ZNHIT6: variants seen among roughly 807,000 people sequenced by gnomAD.
ZNHIT6 encodes zinc finger HIT-type containing 6.
ZNHIT6 carries 45 observed loss-of-function variants against 57.2 expected under a neutral mutation model. The observed-to-expected ratio is 0.79, with a 90% CI of 0.62 to 1.01. ZNHIT6 has a LOEUF of 1.01. ZNHIT6 is among the 50% of genes least tolerant of loss of function. The pLI is 0.00. For missense variants in ZNHIT6, 528 were observed against 567.3 expected (o/e 0.93, Z 0.70); for synonymous variants, 188 against 190.0 (o/e 0.99, Z 0.09).
intron 5 of ZNHIT6, among the ~76,000 whole-genome samples, chr1:85,701,366 C>T (rs1467052215): frequency 6.6e-6 from 1 of 152,194 alleles, no homozygotes; most frequent in African/African-American, 2.4e-5. Context: ...AAGGGAGGGA[C>T]TCCCTCAAGT....
intron 8 of ZNHIT6, among the ~76,000 whole-genome samples, chr1:85,668,765 T>G (rs1466553350): frequency 6.6e-6 from 1 of 152,180 alleles, no homozygotes; most frequent in East Asian, 1.9e-4. Flanking sequence ...TTTAAGGAGG[T>G]AAAATGTGAT....
intron 5 of ZNHIT6, among the ~76,000 whole-genome samples, chr1:85,692,653 CT>C (rs1220549175): frequency 1.3e-5 from 2 of 151,484 alleles, no homozygotes; most frequent in Non-Finnish European, 2.9e-5. Flanking sequence ...TTCCTTTACT[CT>C]TTTCTAAAGC....
At chr1:85,678,625 A>G (rs964476166) in intron 7 of ZNHIT6, 76 bp downstream of exon 7, 1 of 958,922 alleles carries the variant, frequency 1.0e-6, no homozygotes, top group South Asian at 1.5e-5. Flanking sequence ...TCACATTCTA[A>G]TAGTCATGGA....
intron 8 of ZNHIT6, among the ~76,000 whole-genome samples, chr1:85,659,450 T>C (rs1203564197): frequency 6.6e-6 from 1 of 152,218 alleles, no homozygotes; most frequent in East Asian, 1.9e-4. Context: ...CAATGACAGG[T>C]GATATTCACA....
Position 85,649,744 on chromosome 1 carries a change from C to T in ZNHIT6, c.*4314G>A, listed in dbSNP as rs562188786. 1 of 152,188 alleles carries T rather than the reference C, an allele frequency of 6.6e-6. No homozygotes were observed. Among genetic ancestry groups the T allele is most frequent in the African/African-American group, 2.4e-5 (1 of 41,530 alleles). 9.4% of individuals were successfully genotyped at this position (152,188 alleles called of 1,614,324 possible). A position where few individuals can be genotyped will look rare whatever the true frequency, so the allele number is the denominator to read the frequency against. ...AGTACTCTAATTTCAAAATCAGTAT[C>T]TCTCAAATGCTGATGCCACTGGGAA... On this transcript the variant is annotated 3_prime_UTR_variant, in exon 10 of 10. Coordinates refer to ENST00000370574, the MANE Select transcript of ZNHIT6 (RefSeq NM_017953.4).
intron 5 of ZNHIT6, among the ~76,000 whole-genome samples, chr1:85,700,434 T>C (rs1186412327): frequency 6.6e-6 from 1 of 152,140 alleles, no homozygotes; most frequent in Non-Finnish European, 1.5e-5. Context: ...AAAAGACTTA[T>C]GCAAGAAGAA....
intron 5 of ZNHIT6, among the ~76,000 whole-genome samples, chr1:85,694,064 G>A (rs982458292): frequency 6.6e-6 from 1 of 152,166 alleles, no homozygotes; most frequent in Non-Finnish European, 1.5e-5. Flanking sequence ...GGGAAAAAAG[G>A]ACAGGCTGTC....
chr1:85,708,280 T>C lies in ZNHIT6; in HGVS notation c.5A>G (p.Glu2Gly), dbSNP rs763613272. 5 of 1,596,500 alleles carry C rather than the reference T, an allele frequency of 3.1e-6. No individual in the cohort carries two copies. The South Asian group carries it at 5.5e-5, about 18-fold the overall frequency. ...CTTCCCTTCATTTTCAGCAGCAAAC[T>C]CCATCAACTCACGATCCTTGGCCTC... The part of the protein sequence containing the change: M[E>G]FAAENEGKSG... Residue 2 changes from glutamate (E) to glycine (G), a missense_variant, in exon 1 of 10, where the codon GAG becomes GGG. Physicochemically the swap from Glu to Gly is moderately conservative, Grantham distance 98 (BLOSUM62 -2). Coordinates refer to ENST00000370574, the MANE Select transcript of ZNHIT6 (RefSeq NM_017953.4).
chr1:85,683,114 G>A (rs1661924888), intron 5 of ZNHIT6, among the ~76,000 whole-genome samples: 2 of 152,222 alleles, frequency 1.3e-5, no homozygotes, highest in South Asian at 2.1e-4. Flanking sequence ...CTACTCTGGA[G>A]GTTGAAGTGG....
chr1:85,654,238 A>C (rs965390338), intron 9 of ZNHIT6, 140 bp from the exon 10 acceptor site: 25 of 608,832 alleles, frequency 4.1e-5, no homozygotes, highest in Admixed American at 6.9e-5. Context: ...TGTCCCAGGC[A>C]GCTAGGATAT....
chr1:85,696,852 C>CTTTT (rs67507264), intron 5 of ZNHIT6, among the ~76,000 whole-genome samples: 2 of 113,690 alleles, frequency 1.8e-5, no homozygotes, highest in Non-Finnish European at 3.5e-5. Flanking sequence ...ACCATCTATT[C>CTTTT]TTTTTTTTTT....
intron 9 of ZNHIT6, among the ~76,000 whole-genome samples, chr1:85,654,844 T>C (rs945537666): frequency 1.3e-5 from 2 of 152,188 alleles, no homozygotes; most frequent in African/African-American, 4.8e-5. Context: ...TGCTAAAATA[T>C]AGGTTATTTT....
At chr1:85,659,074 T>C (rs1466293123) in intron 8 of ZNHIT6, among the ~76,000 whole-genome samples, 1 of 152,172 alleles carries the variant, frequency 6.6e-6, no homozygotes, top group African/African-American at 2.4e-5. Flanking sequence ...TCAATTATTC[T>C]AATTATAACT....
At chr1:85,706,579 A>G (rs1326468020) in intron 1 of ZNHIT6, 72 bp from the exon 2 acceptor site, 6 of 1,321,122 alleles carry the variant, frequency 4.5e-6, no homozygotes, top group Non-Finnish European at 5.0e-6. Flanking sequence ...AGAATTCCCA[A>G]TCAATTTATA....
Position 85,667,961 on chromosome 1 carries a change from A to AAAAAAAAAATATAT in ZNHIT6, c.1247+9274_1247+9275insATATATTTTTTTTT. Among the ~76,000 whole-genome samples the AAAAAAAAAATATAT allele has an allele frequency of 1.1e-4, 2 of 18,200 alleles. 1 individual carries two copies. The highest frequency in any genetic ancestry group is 2.0e-4 in the Non-Finnish European group (2 of 10,104). The allele number at this position is 18,200 out of a possible 152,430, so 11.9% of individuals were successfully genotyped here. On this transcript the variant is annotated intron_variant, in intron 8 of 9. Coordinates refer to ENST00000370574, the MANE Select transcript of ZNHIT6 (RefSeq NM_017953.4). ...ACTCTCTCTTTCAAAAAAAAAAAAA[A>AAAAAAAAAATATAT]ATATATATATATATATATATATATG...
At chr1:85,693,841 G>A (rs186050482) in intron 5 of ZNHIT6, among the ~76,000 whole-genome samples, 3 of 152,282 alleles carry the variant, frequency 2.0e-5, no homozygotes, top group African/African-American at 7.2e-5. Flanking sequence ...AAAAGGGGCT[G>A]GGCGTGGGGG....
At chr1:85,665,506 T>C (rs376756762) in intron 8 of ZNHIT6, among the ~76,000 whole-genome samples, 3 of 152,108 alleles carry the variant, frequency 2.0e-5, no homozygotes, top group East Asian at 1.9e-4. Context: ...TCACCTTACA[T>C]AGCATTTTTT....
At chr1:85,672,533 TAATAA>T (rs1057415117) in intron 8 of ZNHIT6, among the ~76,000 whole-genome samples, 1 of 152,176 alleles carries the variant, frequency 6.6e-6, no homozygotes, top group African/African-American at 2.4e-5. Flanking sequence ...CATTCACCTT[TAATAA>T]AAATCAAACA....
At chr1:85,678,605 G>C (rs1570306985) in intron 7 of ZNHIT6, 96 bp downstream of exon 7, 1 of 802,574 alleles carries the variant, frequency 1.2e-6, no homozygotes, top group Non-Finnish European at 2.0e-6. Context: ...AAAGTAAATT[G>C]TACTACACAT....
Sources: allele counts gnomAD v4.1 joint callset (sites outside exome capture counted in the v4.1 genomes callset), GRCh38; gene constraint gnomAD v4.1.1; transcripts MANE v1.5; gene names NCBI Gene and HGNC (gene_info 2026-07-23, HGNC 2026-07-21).